Variants in ZNF433 observed in about 807,000 individuals in gnomAD.
ZNF433 encodes the protein zinc finger protein 433.
In ZNF433, 12 loss-of-function variants were observed where a neutral mutation model predicts 10.6. The ratio of observed to expected loss-of-function variants is 1.13; its 90% CI spans 0.72 to 1.83. The LOEUF is 1.83. Among genes scored for constraint, ZNF433 ranks in the 40% most tolerant of loss-of-function variants. ZNF433 has a pLI of 0.00. For missense variants in ZNF433, 737 were observed against 798.0 expected, an observed-to-expected ratio of 0.92 and a Z score of 0.92; for synonymous variants, 272 against 271.3, an observed-to-expected ratio of 1.00 and a Z score of -0.02.
intron 1 of ZNF433, among the ~76,000 whole-genome samples, chr19:12,027,383 A>C (rs1974791779): frequency 1.3e-5 from 2 of 152,238 alleles, no homozygotes; most frequent in Non-Finnish European, 2.9e-5. Context: ...GGCCATAAAC[A>C]AAATCTCTGC....
intron 1 of ZNF433, 65 bp downstream of exon 1, chr19:12,035,472 A>AGCCGGTTCCG: frequency 6.5e-7 from 1 of 1,549,974 alleles, no homozygotes; most frequent in Non-Finnish European, 8.7e-7. Flanking sequence ...GTCCCACCAC[A>AGCCGGTTCCG]GCCGGTTCCG....
At position 12,022,020 on chromosome 19, in the gene ZNF433, C is replaced by A. The variant is rs1278518034; in HGVS notation, c.4-3728G>T. On this transcript the variant is annotated intron_variant, in intron 1 of 3. Transcript: ENST00000550507. ...AGAGACTTAGGTGTTGGGAACAGGC[C>A]CCCAAATCTGGCCATAAACTGGCTC... The A allele has an allele frequency of 6.6e-6, 3 of 455,732 alleles. No individual in the cohort carries two copies. The East Asian group carries it at 2.1e-4, about 32-fold the overall frequency. 28.2% of individuals were successfully genotyped at this position (455,732 alleles called of 1,614,324 possible).
chr19:12,033,689 A>G (rs1975141988), intron 1 of ZNF433, among the ~76,000 whole-genome samples: 3 of 148,280 alleles, frequency 2.0e-5, no homozygotes, highest in South Asian at 4.3e-4. Context: ...AGGCGTGGTG[A>G]CGGGCTCCTG....
intron 1 of ZNF433, among the ~76,000 whole-genome samples, chr19:12,022,964 A>G (rs1041655799): frequency 6.6e-6 from 1 of 152,218 alleles, no homozygotes; most frequent in African/African-American, 2.4e-5. Flanking sequence ...GAATTCACCA[A>G]GCTACAAGAG....
intron 1 of ZNF433, chr19:12,023,054 G>C (rs1974572133): frequency 6.6e-6 from 1 of 152,210 alleles, no homozygotes; most frequent in Admixed American, 6.5e-5. Flanking sequence ...CTACATTTGA[G>C]CCTTTTCCTT....
intron 1 of ZNF433, chr19:12,024,042 T>C (rs1974621909): frequency 6.6e-6 from 1 of 152,170 alleles, no homozygotes; most frequent in African/African-American, 2.4e-5. Context: ...ATAAGCCAAT[T>C]TGGATAGAAC....
chr19:12,026,903 A>T (rs1239846775), intron 1 of ZNF433: 1 of 454,126 alleles, frequency 2.2e-6, no homozygotes, highest in Non-Finnish European at 4.4e-6. Flanking sequence ...AGTTCCTATT[A>T]TCTGGAAACA....
Position 12,018,274 on chromosome 19 carries a change from C to T in ZNF433, c.22G>A (p.Asp8Asn), listed in dbSNP as rs746910975. The T allele has an allele frequency of 3.7e-6, 6 of 1,613,304 alleles. No individual in the cohort carries two copies. The East Asian group carries it at 1.1e-4, about 30-fold the overall frequency. ...TCTTGGGTGAAGGTCACAGCCACATCCTCAAAGGCCACTGAATCCTGAAAC... is the reference window on the plus strand; with the variant it reads ...TCTTGGGTGAAGGTCACAGCCACATTCTCAAAGGCCACTGAATCCTGAAAC... MDSVAFEDVAVTFTQEEW... is the reference protein window; with the variant it reads MDSVAFENVAVTFTQEEW... Residue 8 changes from aspartate (D) to asparagine (N), a missense_variant, in exon 2 of 4, where the codon GAT becomes AAT. By Grantham distance (23) the Asp-to-Asn change is conservative. Coordinates refer to ENST00000550507, the MANE Select transcript of ZNF433 (RefSeq NM_001308348.2).
Position 12,028,189 on chromosome 19 carries a change from C to G in ZNF433, c.3+7348G>C, listed in dbSNP as rs149654787. 9.1e-4 allele frequency among the ~76,000 whole-genome samples: 139 copies of G among 152,016 alleles called. 3 individuals carry two copies. In the South Asian group the frequency reaches 0.012, roughly 13 times the overall value. ...TCCCCAGTACATAGGACTGAAGTAC[C>G]ATAGGAAGAACTGTGACCTAAGAAA... is the stretch of plus-strand genomic sequence containing the variant. On this transcript the variant is annotated intron_variant, in intron 1 of 3. Coordinates refer to ENST00000550507, the MANE Select transcript of ZNF433 (RefSeq NM_001308348.2).
chr19:12,029,508 C>T (rs1434424383), intron 1 of ZNF433, among the ~76,000 whole-genome samples: 1 of 100,570 alleles, frequency 9.9e-6, no homozygotes, highest in African/African-American at 4.2e-5. Context: ...GGTGACAGAG[C>T]AAGACTCTGT....
intron 1 of ZNF433, chr19:12,023,473 C>T (rs929322111): frequency 8.5e-5 from 13 of 152,074 alleles, no homozygotes; most frequent in Admixed American, 4.6e-4. Context: ...TGAAATTAAA[C>T]GAACAGGAGG....
At chr19:12,024,213 C>A (rs1870369775) in intron 1 of ZNF433, 1 of 152,154 alleles carries the variant, frequency 6.6e-6, no homozygotes, top group African/African-American at 2.4e-5. Flanking sequence ...ACTTAAGAGC[C>A]ATTAATTCAG....
In ZNF433 at chr19:12,014,855, T is replaced by A. The variant is rs764900725; in HGVS notation, c.2003A>T (p.Asp668Val). The A allele has an allele frequency of 6.3e-7, 1 of 1,575,386 alleles. No homozygotes were observed. The highest frequency in any genetic ancestry group is 8.6e-7 in the Non-Finnish European group (1 of 1,159,818). ...TCCTAAAGCCTGGGGTTATGGGGTGTCTATGCAGTGAGCCCTTCCATGCAC... is the reference window on the plus strand; with the variant it reads ...TCCTAAAGCCTGGGGTTATGGGGTGACTATGCAGTGAGCCCTTCCATGCAC... Reference protein sequence around the residue: ...LQVHGRAHCIDTP With the variant: ...LQVHGRAHCIVTP The change falls in exon 4 of 4, where the codon GAC (aspartate) becomes GTC (valine). Residue 668 changes from aspartate to valine, a missense_variant. Asp to Val is a radical substitution (Grantham distance 152). Coordinates refer to ENST00000550507, the MANE Select transcript of ZNF433 (RefSeq NM_001308348.2).
At chr19:12,020,927 A>AC (rs1004425812) in intron 1 of ZNF433, among the ~76,000 whole-genome samples, 6 of 151,466 alleles carry the variant, frequency 4.0e-5, no homozygotes, top group African/African-American at 1.5e-4. Flanking sequence ...TAAAAAAAAA[A>AC]AAACAGCACT....
Position 12,017,884 on chromosome 19 carries a change from T to C in ZNF433, c.183A>G (p.Arg61=). The C allele has an allele frequency of 6.3e-7, 1 of 1,589,698 alleles. No individual in the cohort carries two copies. Among genetic ancestry groups the C allele is most frequent in the South Asian group, 1.2e-5 (1 of 85,324 alleles). Residue 61 remains arginine, a synonymous_variant, in exon 3 of 4, where the codon AGA becomes AGG. Coordinates refer to ENST00000550507, the MANE Select transcript of ZNF433 (RefSeq NM_001308348.2). Reference sequence around the variant, plus strand: ...ATGTGAGTGCAAGTTACCTTAGGTTTCTCCTTAGATTTTCGTACTCTACAT... The same window carrying C: ...ATGTGAGTGCAAGTTACCTTAGGTTCCTCCTTAGATTTTCGTACTCTACAT... ...NIYVEYENLR[R]NLRIVGERLF...
chr19:12,018,043 A>G, intron 2 of ZNF433, 107 bp from the exon 3 acceptor site: 13 of 1,327,606 alleles, frequency 9.8e-6, no homozygotes, highest in Non-Finnish European at 1.2e-5. Context: ...TTTATTTATC[A>G]AATATTCCCT....
chr19:12,015,401 A>C lies in ZNF433; in HGVS notation c.1457T>G (p.Leu486Trp), dbSNP rs1204769486. ...TTCATGTCTATGAAATAAACTGGGC[A>C]AACTGAATGTTTTCCCATAACCCTT... The part of the protein sequence containing the change: ...ECKGYGKTFS[L>W]PSLFHRHERT... The change falls in exon 4 of 4, where the codon TTG becomes TGG. Residue 486 changes from leucine to tryptophan, a missense_variant. Leu to Trp is a moderately conservative substitution (Grantham distance 61). Coordinates refer to ENST00000550507, the MANE Select transcript of ZNF433 (RefSeq NM_001308348.2). The C allele has an allele frequency of 6.2e-7, 1 of 1,614,150 alleles. No individual in the cohort carries two copies. Among genetic ancestry groups the C allele is most frequent in the Admixed American group, 1.7e-5 (1 of 60,004 alleles).
At chr19:12,016,821 G>C (rs1568330898) in intron 3 of ZNF433, among the ~76,000 whole-genome samples, 155 bp from the exon 4 acceptor site, 1 of 152,014 alleles carries the variant, frequency 6.6e-6, no homozygotes, top group Non-Finnish European at 1.5e-5. Context: ...TTCGCTTACT[G>C]CAACTTCCAC....
chr19:12,035,635 G>A lies in ZNF433; in HGVS notation c.-96C>T, dbSNP rs923852229. The A allele has an allele frequency of 4.7e-6, 7 of 1,504,150 alleles. No individual in the cohort carries two copies. Among genetic ancestry groups the A allele is most frequent in the African/African-American group, 1.4e-5 (1 of 70,794 alleles). The allele number at this position is 1,504,150 out of a possible 1,614,324, so 93.2% of individuals were successfully genotyped here. A position where few individuals can be genotyped will look rare whatever the true frequency, so the allele number is the denominator to read the frequency against. On this transcript the variant is annotated 5_prime_UTR_variant, in exon 1 of 4. Transcript: ENST00000550507. ...CACCTGAACCCTCTCGGAGGGGAAA[G>A]CCAGGCTCCCAACCTCAGCTCGCCG...
Sources: gnomAD v4.1 joint callset for allele counts (sites outside exome capture counted in the v4.1 genomes callset) on GRCh38, gnomAD v4.1.1 for gene constraint, MANE v1.5 for transcripts, NCBI Gene and HGNC (gene_info 2026-07-23, HGNC 2026-07-21) for gene names.